Variants in ZGPAT observed in about 807,000 individuals in gnomAD.
ZGPAT encodes the protein zinc finger CCCH-type and G-patch domain containing, also known as zinc finger CCCH-type with G patch domain-containing protein.
ZGPAT carries 39 observed loss-of-function variants against 47.9 expected under a neutral mutation model. The observed-to-expected ratio is 0.81, with a 90% CI of 0.63 to 1.06. The LOEUF (loss-of-function observed/expected upper bound fraction) is 1.06, where lower values mean the gene tolerates loss of function less well. Among genes scored for constraint, ZGPAT ranks in the 50% least tolerant of loss-of-function variants. ZGPAT has a pLI of 0.00. For synonymous variants in ZGPAT, 348 were observed against 292.9 expected (o/e 1.19, Z -1.92); for missense variants, 717 against 681.4 (o/e 1.05, Z -0.58).
At chr20:63,724,363 TAAA>T (rs59890523) in intron 2 of ZGPAT, among the ~76,000 whole-genome samples, 4 of 124,666 alleles carry the variant, frequency 3.2e-5, no homozygotes, top group African/African-American at 6.1e-5. Flanking sequence ...AGACTCTGCC[TAAA>T]AAAAAAAAAA....
At chr20:63,724,171 G>A (rs6010630) in intron 2 of ZGPAT, among the ~76,000 whole-genome samples, 8,186 of 152,090 alleles carry the variant, frequency 0.054, 756 homozygotes, top group African/African-American at 0.19. Flanking sequence ...TTTAAGACCA[G>A]CCTGGCCAAC....
At chr20:63,726,797 G>C (rs2091850272) in intron 2 of ZGPAT, among the ~76,000 whole-genome samples, 1 of 152,182 alleles carries the variant, frequency 6.6e-6, no homozygotes, top group African/African-American at 2.4e-5. Context: ...AAAGTCCAGG[G>C]ATTACAGGCA....
At position 63,708,133 on chromosome 20, in the gene ZGPAT, C is replaced by T. The variant is rs572951538; in HGVS notation, c.-29+15C>T. On this transcript the variant is annotated intron_variant, in intron 1 of 6. Transcript: ENST00000355969. ...CGCTCTAGCCGGTGAGGCCGGCGGG[C>T]TCTCTGTGGCTGCGGCTGGGAAACC... is the stretch of plus-strand genomic sequence containing the variant. The T allele has an allele frequency of 6.6e-6, 1 of 152,300 alleles. No individual in the cohort carries two copies. The highest frequency in any genetic ancestry group is 2.4e-5 in the African/African-American group (1 of 41,460). The allele number at this position is 152,300 out of a possible 1,614,324, so 9.4% of individuals were successfully genotyped here. A position where few individuals can be genotyped will look rare whatever the true frequency, so the allele number is the denominator to read the frequency against.
At chr20:63,727,276 T>C (rs1490118547) in intron 2 of ZGPAT, among the ~76,000 whole-genome samples, 1 of 151,416 alleles carries the variant, frequency 6.6e-6, no homozygotes, top group Non-Finnish European at 1.5e-5. Context: ...AGTCTGCCTC[T>C]GTTGCCCAGG....
intron 2 of ZGPAT, among the ~76,000 whole-genome samples, chr20:63,711,701 G>A (rs1260214569): frequency 6.6e-6 from 1 of 151,808 alleles, no homozygotes; most frequent in African/African-American, 2.4e-5. Flanking sequence ...TCCTGCCTCA[G>A]CCTCCCAAGT....
At position 63,708,799 on chromosome 20, in the gene ZGPAT, C is replaced by A. The variant is rs1455073404; in HGVS notation, c.219C>A (p.Arg73=). The A allele has an allele frequency of 6.2e-7, 1 of 1,605,496 alleles. No individual in the cohort carries two copies. The change falls in exon 2 of 7, where the codon CGC becomes CGA. Residue 73 remains arginine, a synonymous_variant. Coordinates refer to ENST00000355969, the MANE Select transcript of ZGPAT (RefSeq NM_181485.3). Reference sequence around the variant, plus strand: ...CGCTGGACGAAGAGCGCCCGGGCCGCCAGGAAGATGCTGAGTACCAGGCTT... The same window carrying A: ...CGCTGGACGAAGAGCGCCCGGGCCGACAGGAAGATGCTGAGTACCAGGCTT... The part of the protein sequence containing the change: ...LAALDEERPG[R]QEDAEYQAFR...
chr20:63,730,020 G>GCACACACACACACACACACA (rs58067228), intron 2 of ZGPAT: 1 of 151,224 alleles, frequency 6.6e-6, no homozygotes, highest in African/African-American at 2.4e-5. Flanking sequence ...ACTCTACTGC[G>GCACACACACACACACACACA]CACACACACA....
intron 2 of ZGPAT, among the ~76,000 whole-genome samples, chr20:63,722,015 GGA>G (rs1491416564): frequency 1.3e-5 from 1 of 74,720 alleles, no homozygotes; most frequent in Non-Finnish European, 2.8e-5. Flanking sequence ...TCCATCTCGG[GGA>G]AAAAAAAAAA....
At chr20:63,710,238 C>T (rs2091650980) in intron 2 of ZGPAT, among the ~76,000 whole-genome samples, 1 of 151,464 alleles carries the variant, frequency 6.6e-6, no homozygotes, top group Admixed American at 6.6e-5. Flanking sequence ...ACCGCAACCT[C>T]TGTCTCCCGG....
rs1364365993 is a variant in ZGPAT at position 63,708,805 on chromosome 20, A to G, written c.225A>G (p.Glu75=). 2 of 1,605,788 alleles carry G rather than the reference A, an allele frequency of 1.2e-6. No individual in the cohort carries two copies. Among genetic ancestry groups the G allele is most frequent in the Admixed American group, 1.7e-5 (1 of 59,774 alleles). Residue 75 remains glutamate (E), a synonymous_variant, in exon 2 of 7, where the codon GAA becomes GAG. Transcript: ENST00000355969. ...ACGAAGAGCGCCCGGGCCGCCAGGA[A>G]GATGCTGAGTACCAGGCTTTCCGGG... is the stretch of plus-strand genomic sequence containing the variant. ...ALDEERPGRQ[E]DAEYQAFREA...
chr20:63,732,207 CTGTG>C (rs569238659), intron 2 of ZGPAT, among the ~76,000 whole-genome samples: 3 of 135,792 alleles, frequency 2.2e-5, no homozygotes, highest in East Asian at 2.5e-4. Flanking sequence ...GCGGGTGCAT[CTGTG>C]TGTGCATGTT....
intron 2 of ZGPAT, among the ~76,000 whole-genome samples, chr20:63,730,968 CTCTGTG>C (rs2091894859): frequency 2.0e-5 from 2 of 100,998 alleles, no homozygotes; most frequent in Admixed American, 9.4e-5. Flanking sequence ...CTCTCTCTCT[CTCTGTG>C]TGTGTGTGTG....
intron 2 of ZGPAT, among the ~76,000 whole-genome samples, chr20:63,732,057 TATGC>T (rs2091910206): frequency 6.6e-6 from 1 of 152,036 alleles, no homozygotes; most frequent in Admixed American, 6.6e-5. Flanking sequence ...TGAGTGTGTA[TATGC>T]ATGTGTGTAT....
intron 2 of ZGPAT, among the ~76,000 whole-genome samples, chr20:63,717,332 CTTTTTTTT>C (rs1173734420): frequency 1.7e-3 from 102 of 60,980 alleles, no homozygotes; most frequent in East Asian, 6.4e-3. Flanking sequence ...TTTTTCTTTT[CTTTTTTTT>C]TTTTTTTTTT....
intron 2 of ZGPAT, among the ~76,000 whole-genome samples, chr20:63,727,453 G>T (rs752902500): frequency 1.3e-5 from 2 of 151,724 alleles, no homozygotes; most frequent in Middle Eastern, 3.4e-3. Flanking sequence ...TATTGGTCAG[G>T]CTGGTTTTGA....
intron 2 of ZGPAT, among the ~76,000 whole-genome samples, chr20:63,721,373 G>A (rs959730194): frequency 4.6e-5 from 7 of 150,930 alleles, no homozygotes; most frequent in African/African-American, 1.7e-4. Flanking sequence ...AAAAAAAAAA[G>A]GATAAAGAGT....
At position 63,708,886 on chromosome 20, in the gene ZGPAT, G is replaced by T. The variant is rs1162268879; in HGVS notation, c.306G>T (p.Glu102Asp). Residue 102 changes from glutamate to aspartate, a missense_variant, in exon 2 of 7, where the codon GAG (glutamate) becomes GAT (aspartate). Glu to Asp is a conservative substitution (Grantham distance 45). Coordinates refer to ENST00000355969, the MANE Select transcript of ZGPAT (RefSeq NM_181485.3). ...APAAARGSGS[E>D]TVPKAEAGPE... The stretch of plus-strand genomic sequence containing the variant: ...CAGCGGCCCGTGGGTCCGGATCAGA[G>T]ACCGTTCCTAAAGCAGAGGCGGGGC... 7.4e-6 allele frequency: 12 copies of T among 1,612,182 alleles called. No homozygotes were observed. The East Asian group carries it at 2.7e-4, about 36-fold the overall frequency.
At chr20:63,723,381 TTCTCCTATGACACAGCTCCATCCTCCC>T in intron 2 of ZGPAT, among the ~76,000 whole-genome samples, 2 of 132,328 alleles carry the variant, frequency 1.5e-5, no homozygotes, top group South Asian at 5.5e-4. Context: ...CCATCCTCCC[TTCTCCTATGACACAGCTCCATCCTCCC>T]TTCTCCTATG....
Position 63,736,024 on chromosome 20 carries a change from C to G in ZGPAT, c.*105C>G. 4 of 1,491,002 alleles carry G rather than the reference C, an allele frequency of 2.7e-6. No homozygotes were observed. The highest frequency in any genetic ancestry group is 2.7e-5 in the South Asian group (2 of 75,358). The allele number at this position is 1,491,002 out of a possible 1,614,324, so 92.4% of individuals were successfully genotyped here. A position where few individuals can be genotyped will look rare whatever the true frequency, so the allele number is the denominator to read the frequency against. ...GGCCGGCCTGCTGGCCTGGGGCGTG[C>G]AGACACTGCTGAGTGGAGACAGAGC... On this transcript the variant is annotated 3_prime_UTR_variant, in exon 7 of 7. Coordinates refer to ENST00000355969, the MANE Select transcript of ZGPAT (RefSeq NM_181485.3).
Sources: allele counts gnomAD v4.1 joint callset (sites outside exome capture counted in the v4.1 genomes callset), GRCh38; gene constraint gnomAD v4.1.1; transcripts MANE v1.5; gene names NCBI Gene and HGNC (gene_info 2026-07-23, HGNC 2026-07-21).